MSH4: variants seen among roughly 807,000 people sequenced by gnomAD.
MSH4 encodes mutS homolog 4.
MSH4 carries 106 observed loss-of-function variants against 113.7 expected under a neutral mutation model. The observed-to-expected ratio is 0.93, with a 90% confidence interval of 0.80 to 1.10. MSH4 has a LOEUF of 1.10. Ranked by LOEUF, MSH4 falls within the 50% of genes least tolerant of loss-of-function variation. The probability of loss-of-function intolerance (pLI) is 0.00; values close to 1 mark genes in which losing one functional copy is unlikely to be tolerated. For missense variants in MSH4, 1,061 were observed against 1,093.7 expected (o/e 0.97, Z 0.42); for synonymous variants, 368 against 380.2 (o/e 0.97, Z 0.37).
intron 2 of MSH4, among the ~76,000 whole-genome samples, chr1:75,805,321 G>C (rs1046203281): frequency 2.0e-5 from 3 of 150,812 alleles, no homozygotes; most frequent in African/African-American, 7.3e-5. Context: ...CACACCCTTA[G>C]AAGTCAAATT....
chr1:75,813,527 C>T (rs1650231727), intron 4 of MSH4, among the ~76,000 whole-genome samples: 1 of 152,050 alleles, frequency 6.6e-6, no homozygotes, highest in Admixed American at 6.5e-5. Flanking sequence ...AGATACCAAC[C>T]TCCTAGAAAA....
rs1304955493 is a variant in MSH4, at chr1:75,876,934, A to C, written c.1306-2A>C. The C allele has an allele frequency of 6.6e-7, 1 of 1,504,224 alleles. No homozygotes were observed. Among genetic ancestry groups the C allele is most frequent in the South Asian group, 1.3e-5 (1 of 76,174 alleles). The allele number at this position is 1,504,224 out of a possible 1,614,324, so 93.2% of individuals were successfully genotyped here. On this transcript the variant is annotated splice_acceptor_variant, in intron 9 of 19. Coordinates refer to ENST00000263187, the MANE Select transcript of MSH4 (RefSeq NM_002440.4). LOFTEE classifies it high-confidence loss of function. ...TAACTTTTTTATTTTATTCTTTAAT[A>C]GATTGCTATGAAGAACTGTAACACA...
intron 4 of MSH4, among the ~76,000 whole-genome samples, chr1:75,814,039 A>G (rs1270178614): frequency 6.6e-6 from 1 of 152,144 alleles, no homozygotes; most frequent in Non-Finnish European, 1.5e-5. Context: ...CTTGGTCATG[A>G]TATTTTTTCA....
chr1:75,803,494 G>A (rs910957452), intron 1 of MSH4, among the ~76,000 whole-genome samples: 1 of 151,994 alleles, frequency 6.6e-6, no homozygotes. Context: ...GCGGGTGCCT[G>A]TAATCCCAGC....
intron 8 of MSH4, among the ~76,000 whole-genome samples, chr1:75,853,778 G>T (rs1299074219): frequency 6.6e-6 from 1 of 151,756 alleles, no homozygotes; most frequent in Non-Finnish European, 1.5e-5. Flanking sequence ...ATGCTCTTTG[G>T]AAATGCATCC....
chr1:75,894,293 C>A (rs1557528598), intron 17 of MSH4, among the ~76,000 whole-genome samples: 1 of 152,174 alleles, frequency 6.6e-6, no homozygotes, highest in Non-Finnish European at 1.5e-5. Flanking sequence ...GTTAAAGCAG[C>A]AATCAGAATA....
Position 75,889,278 on chromosome 1 carries a change from C to A in MSH4, c.2135C>A (p.Ser712Tyr). The A allele has an allele frequency of 1.3e-6, 2 of 1,507,438 alleles. No individual in the cohort carries two copies. Among genetic ancestry groups the A allele is most frequent in the Non-Finnish European group, 1.8e-6 (2 of 1,095,856 alleles). 93.4% of individuals were successfully genotyped at this position (1,507,438 alleles called of 1,614,324 possible). ...IGSYVPAEYS[S>Y]FRIAKQIFTR... ...TCATATGTTCCAGCAGAATATTCTTCCTTTAGAATTGCTAAACAGATTTTT... is the reference window on the plus strand; with the variant it reads ...TCATATGTTCCAGCAGAATATTCTTACTTTAGAATTGCTAAACAGATTTTT... Residue 712 changes from serine (S) to tyrosine (Y), a missense_variant, in exon 16 of 20, where the codon TCC (serine) becomes TAC (tyrosine). By Grantham distance (144) the Ser-to-Tyr change is moderately radical. Transcript: ENST00000263187.
Position 75,899,635 on chromosome 1 carries a change from G to GC in MSH4, c.2548_2549insC (p.Val850AlafsTer32). The GC allele has an allele frequency of 6.6e-7, 1 of 1,503,930 alleles. No individual in the cohort carries two copies. The highest frequency in any genetic ancestry group is 8.8e-7 in the Non-Finnish European group (1 of 1,131,984). The allele number at this position is 1,503,930 out of a possible 1,614,324, so 93.2% of individuals were successfully genotyped here. A position where few individuals can be genotyped will look rare whatever the true frequency, so the allele number is the denominator to read the frequency against. On this transcript the variant is annotated frameshift_variant, in exon 19 of 20. Coordinates refer to ENST00000263187, the MANE Select transcript of MSH4 (RefSeq NM_002440.4). LOFTEE classifies it high-confidence loss of function. ...AATTCTAGGATTAAAAGCTGCAGAG[G>GC]TGTCATCACTTCCACCATCAATTGT...
chr1:75,849,947 C>T (rs1651151827), intron 8 of MSH4, among the ~76,000 whole-genome samples: 1 of 152,110 alleles, frequency 6.6e-6, no homozygotes, highest in Admixed American at 6.6e-5. Context: ...TTTCATTTCA[C>T]CCAACTTTTC....
chr1:75,881,404 T>C (rs767064266), intron 14 of MSH4, 34 bp downstream of exon 14: 1 of 1,595,562 alleles, frequency 6.3e-7, no homozygotes, highest in Non-Finnish European at 8.5e-7. Context: ...ACATATTGCA[T>C]AGTTAAATTT....
intron 7 of MSH4, among the ~76,000 whole-genome samples, chr1:75,824,452 G>A (rs1650499947): frequency 6.6e-6 from 1 of 152,022 alleles, no homozygotes; most frequent in Non-Finnish European, 1.5e-5. Flanking sequence ...AGTTTCTTTT[G>A]CTGAGCAGAA....
intron 4 of MSH4, among the ~76,000 whole-genome samples, chr1:75,812,310 G>C (rs987914699): frequency 6.6e-6 from 1 of 152,098 alleles, no homozygotes; most frequent in Non-Finnish European, 1.5e-5. Flanking sequence ...ATTGAACTTC[G>C]GTTTATACTG....
intron 9 of MSH4, among the ~76,000 whole-genome samples, chr1:75,871,973 A>G (rs1651720514): frequency 6.6e-6 from 1 of 152,228 alleles, no homozygotes; most frequent in East Asian, 1.9e-4. Flanking sequence ...CCCAAAAGTT[A>G]AAAATTTTAG....
intron 7 of MSH4, among the ~76,000 whole-genome samples, chr1:75,834,098 C>T (rs1358156717): frequency 6.6e-6 from 1 of 151,986 alleles, no homozygotes; most frequent in East Asian, 1.9e-4. Flanking sequence ...AAAAAATCAA[C>T]CCCATCAAAA....
intron 7 of MSH4, among the ~76,000 whole-genome samples, chr1:75,834,354 T>A (rs954524495): frequency 6.6e-6 from 1 of 152,206 alleles, no homozygotes; most frequent in South Asian, 2.1e-4. Context: ...AGTTCAACCA[T>A]TGTGGAAGAC....
intron 7 of MSH4, among the ~76,000 whole-genome samples, chr1:75,833,805 AT>A (rs1245846026): frequency 6.6e-6 from 1 of 152,238 alleles, no homozygotes; most frequent in Non-Finnish European, 1.5e-5. Flanking sequence ...AAAGACGCAA[AT>A]GTTAGACCTA....
intron 14 of MSH4, 87 bp from the exon 15 acceptor site, chr1:75,883,534 C>CT: frequency 9.5e-7 from 1 of 1,047,804 alleles, no homozygotes; most frequent in Non-Finnish European, 1.4e-6. Context: ...GTGAAAATCA[C>CT]TAAGATATAG....
chr1:75,867,690 C>G, intron 9 of MSH4, 102 bp downstream of exon 9: 1 of 708,830 alleles, frequency 1.4e-6, no homozygotes, highest in Non-Finnish European at 2.4e-6. Flanking sequence ...AATAACATGG[C>G]GAATTTCCCA....
chr1:75,885,746 A>C (rs1488400063), intron 15 of MSH4, among the ~76,000 whole-genome samples: 1 of 110,518 alleles, frequency 9.0e-6, no homozygotes, highest in Non-Finnish European at 1.7e-5. Flanking sequence ...TATAGTATAT[A>C]TAATGTATTA....
Sources: gnomAD v4.1 joint callset for allele counts (sites outside exome capture counted in the v4.1 genomes callset) on GRCh38, gnomAD v4.1.1 for gene constraint, MANE v1.5 for transcripts, NCBI Gene and HGNC (gene_info 2026-07-23, HGNC 2026-07-21) for gene names.